VPS13B: variants seen among roughly 807,000 people sequenced by gnomAD.
The protein encoded by VPS13B is vacuolar protein sorting 13 homolog B, also known as intermembrane lipid transfer protein VPS13B.
VPS13B carries 285 observed loss-of-function variants against 426.4 expected under a neutral mutation model. The ratio of observed to expected loss-of-function variants is 0.67; its 90% CI spans 0.61 to 0.74. The LOEUF (loss-of-function observed/expected upper bound fraction) is 0.74. Ranked by LOEUF, VPS13B falls within the 30% of genes least tolerant of loss-of-function variation. The pLI is 0.00. For synonymous variants in VPS13B, 1,676 were observed against 1,676.4 expected, an observed-to-expected ratio of 1.00 and a Z score of 0.01; for missense variants, 4,537 against 4,782.6, an observed-to-expected ratio of 0.95 and a Z score of 1.51.
At chr8:99,030,082 T>TAGGTTTTA (rs1842433485) in intron 2 of VPS13B, among the ~76,000 whole-genome samples, 1 of 150,478 alleles carries the variant, frequency 6.6e-6, no homozygotes, top group Non-Finnish European at 1.5e-5. Context: ...TTTATTTAAA[T>TAGGTTTTA]AGGTTTTATA....
At chr8:99,026,430 C>T (rs369941259) in intron 2 of VPS13B, among the ~76,000 whole-genome samples, 2 of 152,110 alleles carry the variant, frequency 1.3e-5, no homozygotes, top group East Asian at 1.9e-4. Context: ...ATGTATCCCG[C>T]AGCTGTTGTT....
intron 24 of VPS13B, among the ~76,000 whole-genome samples, chr8:99,472,950 A>C (rs1819490704): frequency 6.6e-6 from 1 of 152,082 alleles, no homozygotes; most frequent in Admixed American, 6.5e-5. Context: ...AATTCCATCA[A>C]AGTTGACACA....
intron 3 of VPS13B, among the ~76,000 whole-genome samples, chr8:99,044,853 TACACACACACACACAC>T (rs60056711): frequency 2.7e-4 from 38 of 139,888 alleles, no homozygotes; most frequent in South Asian, 9.3e-4. Context: ...TTCCATTTTA[TACACACACACACACAC>T]ACACACACAC....
intron 30 of VPS13B, among the ~76,000 whole-genome samples, chr8:99,552,590 T>TC (rs35083483): frequency 6.6e-6 from 1 of 150,784 alleles, no homozygotes; most frequent in African/African-American, 2.4e-5. Context: ...TTTTTTTTTT[T>TC]CCCCTTTACC....
intron 16 of VPS13B, among the ~76,000 whole-genome samples, chr8:99,190,848 A>G (rs1399858282): frequency 2.0e-5 from 3 of 151,982 alleles, no homozygotes; most frequent in Non-Finnish European, 4.4e-5. Context: ...TTTTTTAAAA[A>G]ATTCACCCAT....
intron 17 of VPS13B, among the ~76,000 whole-genome samples, chr8:99,196,559 C>T (rs938502943): frequency 3.3e-5 from 5 of 150,986 alleles, no homozygotes; most frequent in Non-Finnish European, 7.4e-5. Flanking sequence ...CCTCCACCTC[C>T]TGGGTTTGTA....
intron 39 of VPS13B, among the ~76,000 whole-genome samples, chr8:99,740,138 G>A (rs189358206): frequency 3.2e-4 from 48 of 152,248 alleles, no homozygotes; most frequent in Admixed American, 2.8e-3. Flanking sequence ...AGGACCTGAC[G>A]GAGCTGCAAA....
chr8:99,239,295 C>T (rs1458300289), intron 17 of VPS13B, among the ~76,000 whole-genome samples: 1 of 152,106 alleles, frequency 6.6e-6, no homozygotes, highest in African/African-American at 2.4e-5. Flanking sequence ...ATCTTAAGTA[C>T]ATTGAATTAA....
At chr8:99,253,938 C>T (rs1370100675) in intron 17 of VPS13B, among the ~76,000 whole-genome samples, 4 of 152,140 alleles carry the variant, frequency 2.6e-5, no homozygotes, top group Non-Finnish European at 5.9e-5. Context: ...TTTCACATTT[C>T]TAACTCATTA....
intron 22 of VPS13B, among the ~76,000 whole-genome samples, chr8:99,440,190 A>T (rs959299167): frequency 6.6e-6 from 1 of 152,122 alleles, no homozygotes; most frequent in Non-Finnish European, 1.5e-5. Context: ...GGATGTTGCC[A>T]TGGAAAAATG....
intron 17 of VPS13B, among the ~76,000 whole-genome samples, chr8:99,268,254 C>T (rs1292967421): frequency 6.6e-6 from 1 of 152,234 alleles, no homozygotes; most frequent in African/African-American, 2.4e-5. Flanking sequence ...AGAGCCCCCA[C>T]ACAGAGTCCC....
At chr8:99,734,841 G>A (rs771293661) in intron 39 of VPS13B, among the ~76,000 whole-genome samples, 2 of 152,110 alleles carry the variant, frequency 1.3e-5, no homozygotes, top group Admixed American at 6.5e-5. Flanking sequence ...TTCAATGCCC[G>A]GATGTGTATG....
chr8:99,415,484 A>G (rs1416079575), intron 21 of VPS13B, among the ~76,000 whole-genome samples: 1 of 152,092 alleles, frequency 6.6e-6, no homozygotes, highest in Non-Finnish European at 1.5e-5. Flanking sequence ...CCTTTGGATA[A>G]GAGGCATTCT....
intron 17 of VPS13B, among the ~76,000 whole-genome samples, chr8:99,203,394 A>G (rs375114147): frequency 6.6e-6 from 1 of 152,208 alleles, no homozygotes; most frequent in Non-Finnish European, 1.5e-5. Context: ...TGGCAAACTC[A>G]CAGCCAGTAT....
At chr8:99,645,861 C>CTTTCT (rs1388322415) in intron 34 of VPS13B, among the ~76,000 whole-genome samples, 7 of 152,182 alleles carry the variant, frequency 4.6e-5, no homozygotes, top group Non-Finnish European at 8.8e-5. Context: ...TCCAGAAACA[C>CTTTCT]TTTATGTAGT....
chr8:99,102,863 T>A, intron 4 of VPS13B, 90 bp from the exon 5 acceptor site: 3 of 1,270,404 alleles, frequency 2.4e-6, no homozygotes, highest in Non-Finnish European at 3.4e-6. Context: ...ATAACCACCT[T>A]TCTCATACAT....
intron 17 of VPS13B, among the ~76,000 whole-genome samples, chr8:99,265,097 A>T (rs1818232950): frequency 6.6e-6 from 1 of 152,254 alleles, no homozygotes; most frequent in Non-Finnish European, 1.5e-5. Context: ...CTCTTTGAGG[A>T]TAGAAATCAT....
chr8:99,507,349 T>G (rs1425242360), intron 28 of VPS13B, 146 bp downstream of exon 28: 3 of 873,374 alleles, frequency 3.4e-6, no homozygotes, highest in Non-Finnish European at 5.4e-6. Context: ...ACATATAAAT[T>G]TAAAGCTATT....
rs1049461283 is a variant in VPS13B at position 99,492,592 on chromosome 8, G to A, written c.3871-9095G>A. On this transcript the variant is annotated intron_variant, in intron 25 of 61. Transcript: ENST00000357162. ...AGCAATGGTGGACACCCCTCTCCCC[G>A]CCAGGCTCCTGCCTCGCAGGTTGAT... Among the ~76,000 whole-genome samples, 11 of 152,242 alleles carry A rather than the reference G, an allele frequency of 7.2e-5. No homozygotes were observed. The East Asian group carries it at 1.2e-3, about 16-fold the overall frequency.
Sources: gnomAD v4.1 joint callset for allele counts (sites outside exome capture counted in the v4.1 genomes callset) on GRCh38, gnomAD v4.1.1 for gene constraint, MANE v1.5 for transcripts, NCBI Gene and HGNC (gene_info 2026-07-23, HGNC 2026-07-21) for gene names.